ST6GALNAC3: variants seen among roughly 807,000 people sequenced by gnomAD.
ST6GALNAC3 encodes the protein ST6 N-acetylgalactosaminide alpha-2,6-sialyltransferase 3.
A neutral mutation model predicts 32.7 loss-of-function variants in ST6GALNAC3; 25 were observed. The observed-to-expected ratio is 0.76, with a 90% confidence interval of 0.56 to 1.07. The LOEUF is 1.07. Ranked by LOEUF, ST6GALNAC3 falls within the 50% of genes least tolerant of loss-of-function variation. The probability of loss-of-function intolerance (pLI) is 0.00; values close to 1 mark genes in which losing one functional copy is unlikely to be tolerated. For missense variants in ST6GALNAC3, 355 were observed against 382.4 expected (o/e 0.93, Z 0.60); for synonymous variants, 129 against 133.1 (o/e 0.97, Z 0.21).
At chr1:76,531,807 C>T (rs1412267679) in intron 3 of ST6GALNAC3, among the ~76,000 whole-genome samples, 2 of 152,052 alleles carry the variant, frequency 1.3e-5, no homozygotes, top group Admixed American at 6.6e-5. Flanking sequence ...AGGTAAAGGC[C>T]CAGGCTGCAC....
chr1:76,353,513 T>C (rs563534489), intron 2 of ST6GALNAC3: 116 of 152,712 alleles, frequency 7.6e-4, no homozygotes, highest in Non-Finnish European at 7.3e-4. Flanking sequence ...CAGCTGAGGT[T>C]AGACTGGGGC....
chr1:76,140,193 A>G (rs1206924244), intron 1 of ST6GALNAC3, among the ~76,000 whole-genome samples: 3 of 152,154 alleles, frequency 2.0e-5, no homozygotes, highest in Non-Finnish European at 2.9e-5. Context: ...GATTAATCCA[A>G]TGCTCCGTGG....
intron 1 of ST6GALNAC3, among the ~76,000 whole-genome samples, chr1:76,087,590 T>G (rs1321525883): frequency 6.6e-6 from 1 of 152,188 alleles, no homozygotes; most frequent in Non-Finnish European, 1.5e-5. Flanking sequence ...GTGTTGGGGC[T>G]TTATATTTGT....
At chr1:76,499,237 G>A (rs1196361271) in intron 3 of ST6GALNAC3, among the ~76,000 whole-genome samples, 1 of 152,188 alleles carries the variant, frequency 6.6e-6, no homozygotes, top group Non-Finnish European at 1.5e-5. Context: ...AAAAACTGTT[G>A]GTGGGAGTAT....
At chr1:76,391,987 G>C (rs1652599750) in intron 2 of ST6GALNAC3, among the ~76,000 whole-genome samples, 1 of 152,118 alleles carries the variant, frequency 6.6e-6, no homozygotes, top group Non-Finnish European at 1.5e-5. Context: ...CTATCTTTTA[G>C]ACCTTAGTTT....
At chr1:76,543,578 T>C (rs552439466) in intron 3 of ST6GALNAC3, among the ~76,000 whole-genome samples, 3 of 152,348 alleles carry the variant, frequency 2.0e-5, no homozygotes, top group East Asian at 3.9e-4. Flanking sequence ...TTTTCTTTTA[T>C]TGGCATTTAC....
At chr1:76,356,983 A>G (rs865814965) in intron 2 of ST6GALNAC3, among the ~76,000 whole-genome samples, 10 of 152,122 alleles carry the variant, frequency 6.6e-5, no homozygotes, top group Admixed American at 1.3e-4. Context: ...AAGAAATTCC[A>G]GGGGCCACAG....
intron 3 of ST6GALNAC3, among the ~76,000 whole-genome samples, chr1:76,480,186 T>G (rs1224773875): frequency 6.6e-6 from 1 of 152,210 alleles, no homozygotes; most frequent in Non-Finnish European, 1.5e-5. Context: ...TAGTGCAAAT[T>G]AATATTCAAC....
intron 1 of ST6GALNAC3, among the ~76,000 whole-genome samples, chr1:76,219,143 A>T (rs1655630407): frequency 6.6e-6 from 1 of 152,196 alleles, no homozygotes; most frequent in South Asian, 2.1e-4. Flanking sequence ...GATTCCTGCC[A>T]TGGTAGCTAG....
chr1:76,391,084 C>T (rs545811277), intron 2 of ST6GALNAC3, among the ~76,000 whole-genome samples: 7 of 151,412 alleles, frequency 4.6e-5, no homozygotes, highest in African/African-American at 7.2e-5. Context: ...GGACTACGGG[C>T]GCCCACCACC....
chr1:76,283,144 G>T (rs1270708821), intron 1 of ST6GALNAC3, among the ~76,000 whole-genome samples: 1 of 152,096 alleles, frequency 6.6e-6, no homozygotes, highest in Non-Finnish European at 1.5e-5. Context: ...ACCCAAGAGT[G>T]CTCCGGAACA....
intron 1 of ST6GALNAC3, among the ~76,000 whole-genome samples, chr1:76,208,872 T>C (rs1654981813): frequency 1.3e-5 from 2 of 152,168 alleles, no homozygotes; most frequent in African/African-American, 4.8e-5. Flanking sequence ...TGGAGACAAG[T>C]AGTGCTGATA....
At chr1:76,623,387 G>A (rs1466213137) in intron 3 of ST6GALNAC3, among the ~76,000 whole-genome samples, 1 of 151,830 alleles carries the variant, frequency 6.6e-6, no homozygotes, top group Non-Finnish European at 1.5e-5. Flanking sequence ...CCATTATTCT[G>A]CTGCATTAAT....
intron 2 of ST6GALNAC3, among the ~76,000 whole-genome samples, chr1:76,332,739 G>C (rs1264565928): frequency 6.6e-6 from 1 of 152,114 alleles, no homozygotes; most frequent in Non-Finnish European, 1.5e-5. Context: ...ATTGCGCCCT[G>C]TACCCACAGT....
At chr1:76,089,273 A>G (rs919915223) in intron 1 of ST6GALNAC3, among the ~76,000 whole-genome samples, 3 of 152,000 alleles carry the variant, frequency 2.0e-5, no homozygotes, top group Non-Finnish European at 4.4e-5. Context: ...GGATGATCTC[A>G]ATCTCCTGAC....
At chr1:76,307,722 C>T (rs1030187245) in intron 1 of ST6GALNAC3, among the ~76,000 whole-genome samples, 2 of 152,084 alleles carry the variant, frequency 1.3e-5, no homozygotes, top group East Asian at 1.9e-4. Flanking sequence ...TGACAATAGA[C>T]TGGATTAAAA....
chr1:76,139,054 C>T (rs1650133580), intron 1 of ST6GALNAC3, among the ~76,000 whole-genome samples: 2 of 151,980 alleles, frequency 1.3e-5, no homozygotes, highest in South Asian at 4.2e-4. Context: ...ATTAGCTGGG[C>T]GTGGTGGCAG....
intron 1 of ST6GALNAC3, among the ~76,000 whole-genome samples, chr1:76,086,462 G>A (rs1320978128): frequency 2.6e-5 from 4 of 152,128 alleles, no homozygotes; most frequent in African/African-American, 9.7e-5. Flanking sequence ...GCTCATATTT[G>A]TGTAAAGAAG....
intron 1 of ST6GALNAC3, among the ~76,000 whole-genome samples, chr1:76,187,858 G>A (rs1653657466): frequency 6.6e-6 from 1 of 152,108 alleles, no homozygotes; most frequent in Non-Finnish European, 1.5e-5. Flanking sequence ...CACCATGTCC[G>A]TCCCAGGATT....
Sources: allele counts gnomAD v4.1 joint callset (sites outside exome capture counted in the v4.1 genomes callset), GRCh38; gene constraint gnomAD v4.1.1; transcripts MANE v1.5; gene names NCBI Gene and HGNC (gene_info 2026-07-23, HGNC 2026-07-21).